Variants in PSTPIP2 observed in about 807,000 individuals in gnomAD.
The protein encoded by PSTPIP2 is proline-serine-threonine phosphatase-interacting protein 2.
A neutral mutation model predicts 63.3 loss-of-function variants in PSTPIP2; 33 were observed. The observed-to-expected ratio is 0.52, with a 90% CI of 0.40 to 0.70. The LOEUF (loss-of-function observed/expected upper bound fraction) is 0.70. Ranked by LOEUF, PSTPIP2 falls within the 30% of genes least tolerant of loss-of-function variation. The pLI is 0.00. For missense variants in PSTPIP2, 312 were observed against 400.7 expected (o/e 0.78, Z 1.89); for synonymous variants, 125 against 132.7 (o/e 0.94, Z 0.40).
chr18:46,012,567 G>A (rs912140139), intron 4 of PSTPIP2, among the ~76,000 whole-genome samples: 4 of 152,152 alleles, frequency 2.6e-5, no homozygotes, highest in African/African-American at 9.7e-5. Flanking sequence ...GAGGTCAAGT[G>A]ATTGAGACCA....
chr18:46,056,009 T>C (rs1466812419), intron 1 of PSTPIP2, among the ~76,000 whole-genome samples: 1 of 152,178 alleles, frequency 6.6e-6, no homozygotes, highest in Non-Finnish European at 1.5e-5. Flanking sequence ...GAACTGCAGG[T>C]GCATTTTCTC....
rs1009681706 is a variant in PSTPIP2, at chr18:46,008,610, A to G, written c.354+2571T>C. Among the ~76,000 whole-genome samples, 39 of 152,214 alleles carry G rather than the reference A, an allele frequency of 2.6e-4. 3 individuals carry two copies. Among genetic ancestry groups the G allele is most frequent in the East Asian group, 1.5e-3 (8 of 5,162 alleles). ...TCGTGAGCCACCTTGCCCAGCCTTAAGCTGTATTCTAAAAACTGGAAGCAT... is the reference window on the plus strand; with the variant it reads ...TCGTGAGCCACCTTGCCCAGCCTTAGGCTGTATTCTAAAAACTGGAAGCAT... On this transcript the variant is annotated intron_variant, in intron 5 of 14. Coordinates refer to ENST00000409746, the MANE Select transcript of PSTPIP2 (RefSeq NM_024430.4).
At chr18:45,999,229 C>A (rs1418681952) in intron 7 of PSTPIP2, among the ~76,000 whole-genome samples, 1 of 152,166 alleles carries the variant, frequency 6.6e-6, no homozygotes, top group Non-Finnish European at 1.5e-5. Context: ...CCCCATCTCC[C>A]TCCCTCATAG....
chr18:46,039,842 G>T, intron 2 of PSTPIP2, 105 bp downstream of exon 2: 1 of 922,430 alleles, frequency 1.1e-6, no homozygotes. Flanking sequence ...GCAGAGAGAG[G>T]GTCTTCAGAA....
chr18:46,048,899 T>C (rs1908479650), intron 1 of PSTPIP2, among the ~76,000 whole-genome samples: 1 of 152,212 alleles, frequency 6.6e-6, no homozygotes, highest in Non-Finnish European at 1.5e-5. Context: ...TTGTGATTGA[T>C]TGTGTAATAA....
intron 2 of PSTPIP2, among the ~76,000 whole-genome samples, chr18:46,032,326 G>A (rs1907811958): frequency 6.6e-6 from 1 of 152,138 alleles, no homozygotes; most frequent in Non-Finnish European, 1.5e-5. Flanking sequence ...GGAAACAGAA[G>A]AGGCAATACC....
At chr18:46,042,759 G>T (rs1269193146) in intron 1 of PSTPIP2, among the ~76,000 whole-genome samples, 1 of 152,164 alleles carries the variant, frequency 6.6e-6, no homozygotes, top group Non-Finnish European at 1.5e-5. Flanking sequence ...AAAGACACTG[G>T]AGGATGTCTT....
intron 2 of PSTPIP2, chr18:46,028,296 G>T (rs1003815469): frequency 2.0e-5 from 9 of 457,656 alleles, no homozygotes; most frequent in South Asian, 9.0e-5. Flanking sequence ...CGAAGCGTTA[G>T]CCCGGAACGA....
At chr18:46,032,998 C>T (rs1192337372) in intron 2 of PSTPIP2, among the ~76,000 whole-genome samples, 1 of 152,152 alleles carries the variant, frequency 6.6e-6, no homozygotes, top group Non-Finnish European at 1.5e-5. Flanking sequence ...ATTCACAGCA[C>T]CTCAACTGAA....
chr18:46,011,582 C>A (rs986125070), intron 4 of PSTPIP2, among the ~76,000 whole-genome samples: 1 of 152,132 alleles, frequency 6.6e-6, no homozygotes, highest in Non-Finnish European at 1.5e-5. Flanking sequence ...AAGGTTACAT[C>A]CTAGGAGACA....
At chr18:46,001,354 A>G (rs2051664258) in intron 6 of PSTPIP2, among the ~76,000 whole-genome samples, 1 of 152,196 alleles carries the variant, frequency 6.6e-6, no homozygotes, top group South Asian at 2.1e-4. Context: ...AGTGATGTTG[A>G]GCATTAAAAA....
intron 1 of PSTPIP2, among the ~76,000 whole-genome samples, chr18:46,068,645 T>C (rs1747334138): frequency 6.6e-6 from 1 of 151,690 alleles, no homozygotes; most frequent in Non-Finnish European, 1.5e-5. Context: ...GGCAAGAGGA[T>C]AGCTTGAGGC....
At chr18:46,039,182 C>T (rs1908095227) in intron 2 of PSTPIP2, among the ~76,000 whole-genome samples, 1 of 152,256 alleles carries the variant, frequency 6.6e-6, no homozygotes, top group Non-Finnish European at 1.5e-5. Flanking sequence ...ATTCTTTCAT[C>T]CAGAACCTCT....
At chr18:45,985,889 G>C (rs1407646759) in intron 14 of PSTPIP2, among the ~76,000 whole-genome samples, 1 of 151,436 alleles carries the variant, frequency 6.6e-6, no homozygotes, top group Non-Finnish European at 1.5e-5. Flanking sequence ...TGATTCTCCT[G>C]CCTCAGCCTC....
At chr18:46,040,500 C>A (rs916509254) in intron 1 of PSTPIP2, among the ~76,000 whole-genome samples, 1 of 152,304 alleles carries the variant, frequency 6.6e-6, no homozygotes, top group East Asian at 1.9e-4. Flanking sequence ...GGAAGTTCCA[C>A]AAATTCCTAA....
intron 5 of PSTPIP2, among the ~76,000 whole-genome samples, chr18:46,007,019 C>T (rs561169044): frequency 4.7e-4 from 72 of 152,292 alleles, no homozygotes; most frequent in African/African-American, 1.7e-3. Flanking sequence ...CCCAAATTGT[C>T]ATTATCCTTA....
chr18:45,993,437 G>T (rs2051560306), intron 10 of PSTPIP2, among the ~76,000 whole-genome samples, 168 bp downstream of exon 10: 1 of 152,168 alleles, frequency 6.6e-6, no homozygotes, highest in South Asian at 2.1e-4. Context: ...AATGAGCCAG[G>T]AGTCAGGTTA....
intron 6 of PSTPIP2, among the ~76,000 whole-genome samples, chr18:46,001,747 T>TA (rs1358236561): frequency 6.6e-6 from 1 of 152,170 alleles, no homozygotes; most frequent in African/African-American, 2.4e-5. Context: ...TTTTTTTAAT[T>TA]TAAAAAAATT....
intron 14 of PSTPIP2, 74 bp from the exon 15 acceptor site, chr18:45,985,524 T>C: frequency 6.6e-7 from 1 of 1,514,786 alleles, no homozygotes; most frequent in Admixed American, 1.8e-5. Flanking sequence ...CTTGAGAGTA[T>C]ATTCAACAAG....
Sources: allele counts gnomAD v4.1 joint callset (sites outside exome capture counted in the v4.1 genomes callset), GRCh38; gene constraint gnomAD v4.1.1; transcripts MANE v1.5; gene names NCBI Gene and HGNC (gene_info 2026-07-23, HGNC 2026-07-21).